CRPPA: variants seen among roughly 807,000 people sequenced by gnomAD.
The protein encoded by CRPPA is D-ribitol-5-phosphate cytidylyltransferase.
CRPPA carries 43 observed loss-of-function variants against 52.0 expected under a neutral mutation model. The ratio of observed to expected loss-of-function variants is 0.83; its 90% CI spans 0.65 to 1.07. CRPPA has a LOEUF of 1.07. Ranked by LOEUF, CRPPA falls within the 50% of genes least tolerant of loss-of-function variation. CRPPA has a pLI of 0.00. For synonymous variants in CRPPA, 250 were observed against 203.5 expected (o/e 1.23, Z -1.94); for missense variants, 629 against 551.7 (o/e 1.14, Z -1.40).
chr7:16,397,622 C>A, intron 2 of CRPPA, among the ~76,000 whole-genome samples: 1 of 152,022 alleles, frequency 6.6e-6, no homozygotes, highest in Non-Finnish European at 1.5e-5. Context: ...GACACGTGAC[C>A]AACACGTGTG....
intron 8 of CRPPA, among the ~76,000 whole-genome samples, chr7:16,223,941 A>G (rs1782584418): frequency 6.6e-6 from 1 of 152,136 alleles, no homozygotes; most frequent in South Asian, 2.1e-4. Flanking sequence ...GTAAAACAGT[A>G]TTTCCCATGC....
intron 9 of CRPPA, among the ~76,000 whole-genome samples, chr7:16,092,466 C>T (rs571556038): frequency 6.6e-6 from 1 of 152,252 alleles, no homozygotes; most frequent in African/African-American, 2.4e-5. Context: ...CCAGAATCAT[C>T]CTTAATGCCT....
chr7:16,276,316 T>C (rs1224818719), intron 6 of CRPPA, among the ~76,000 whole-genome samples: 2 of 152,164 alleles, frequency 1.3e-5, no homozygotes, highest in Admixed American at 6.5e-5. Context: ...GCATCCACTA[T>C]GTACCTAGCA....
intron 2 of CRPPA, among the ~76,000 whole-genome samples, chr7:16,385,940 A>T (rs1265649689): frequency 1.3e-5 from 2 of 152,114 alleles, no homozygotes; most frequent in South Asian, 2.1e-4. Flanking sequence ...GTGGGTACCC[A>T]TGACTCCTAA....
At chr7:16,149,838 T>G (rs992583762) in intron 9 of CRPPA, among the ~76,000 whole-genome samples, 2 of 151,834 alleles carry the variant, frequency 1.3e-5, no homozygotes, top group Non-Finnish European at 2.9e-5. Flanking sequence ...TACAAAATAT[T>G]AGCCGAGCGT....
intron 3 of CRPPA, among the ~76,000 whole-genome samples, chr7:16,356,007 C>T (rs944984819): frequency 1.3e-5 from 2 of 151,588 alleles, no homozygotes; most frequent in African/African-American, 2.4e-5. Context: ...AGTTTGACAA[C>T]TTACATGCCC....
rs541990103 is a variant in CRPPA, at chr7:16,261,056, G to C, written c.934-2044C>G. 3.3e-5 allele frequency among the ~76,000 whole-genome samples: 5 copies of C among 152,120 alleles called. No individual in the cohort carries two copies. The East Asian group carries it at 9.6e-4, about 29-fold the overall frequency. On this transcript the variant is annotated intron_variant, in intron 6 of 9. Transcript: ENST00000407010. ...TATAAATAATTACTCTGAAAGGTAA[G>C]TATCATTCCAACAATTCTCTATGAA...
At chr7:16,137,566 G>A (rs550406658) in intron 9 of CRPPA, among the ~76,000 whole-genome samples, 1 of 152,064 alleles carries the variant, frequency 6.6e-6, no homozygotes, top group African/African-American at 2.4e-5. Context: ...ATTCAAAGGA[G>A]GGTTGAATTT....
intron 3 of CRPPA, among the ~76,000 whole-genome samples, chr7:16,323,599 T>G (rs1031647692): frequency 6.6e-6 from 1 of 152,218 alleles, no homozygotes; most frequent in African/African-American, 2.4e-5. Flanking sequence ...GAACCTCAGC[T>G]AATCCACAGA....
rs895723369 is a variant in CRPPA, at chr7:16,091,654, G to T, written c.*41C>A. On this transcript the variant is annotated 3_prime_UTR_variant, in exon 10 of 10. Transcript: ENST00000407010. Reference sequence around the variant, plus strand: ...GGGGCACAAAGCACAATTAAGATACGCAAATAGATGTTTTAGAAAATAGGT... The same window carrying T: ...GGGGCACAAAGCACAATTAAGATACTCAAATAGATGTTTTAGAAAATAGGT... 1 of 1,118,012 alleles carries T rather than the reference G, an allele frequency of 8.9e-7. No individual in the cohort carries two copies. Among genetic ancestry groups the T allele is most frequent in the Admixed American group, 2.1e-5 (1 of 47,194 alleles). 69.3% of individuals were successfully genotyped at this position (1,118,012 alleles called of 1,614,324 possible). A position where few individuals can be genotyped will look rare whatever the true frequency, so the allele number is the denominator to read the frequency against.
chr7:16,156,031 T>C, intron 9 of CRPPA, among the ~76,000 whole-genome samples: 1 of 150,422 alleles, frequency 6.6e-6, no homozygotes, highest in East Asian at 2.0e-4. Flanking sequence ...ATACATTTCA[T>C]GAGGACTACA....
intron 9 of CRPPA, among the ~76,000 whole-genome samples, chr7:16,117,606 C>T (rs892736951): frequency 2.6e-5 from 4 of 152,196 alleles, no homozygotes; most frequent in African/African-American, 7.2e-5. Flanking sequence ...ATCATCAGAA[C>T]CAGGGAGCAC....
chr7:16,261,288 G>T (rs1783789437), intron 6 of CRPPA, among the ~76,000 whole-genome samples: 1 of 152,060 alleles, frequency 6.6e-6, no homozygotes, highest in Admixed American at 6.5e-5. Flanking sequence ...GCCTTGAGCA[G>T]GATAAAGACA....
chr7:16,306,409 C>T (rs1266957284), intron 4 of CRPPA, among the ~76,000 whole-genome samples: 1 of 152,196 alleles, frequency 6.6e-6, no homozygotes, highest in Non-Finnish European at 1.5e-5. Flanking sequence ...TACCTGAGGA[C>T]TAACACTCTT....
chr7:16,340,001 A>G (rs561453826), intron 3 of CRPPA, among the ~76,000 whole-genome samples: 1 of 152,266 alleles, frequency 6.6e-6, no homozygotes, highest in South Asian at 2.1e-4. Flanking sequence ...CAATATAATA[A>G]AGCAAAGAAA....
chr7:16,097,137 T>C (rs1162381449), intron 9 of CRPPA, among the ~76,000 whole-genome samples: 2 of 152,250 alleles, frequency 1.3e-5, no homozygotes, highest in South Asian at 4.2e-4. Flanking sequence ...AAACCTTTTT[T>C]GCTTGAAAAT....
chr7:16,379,413 T>C (rs535793637), intron 2 of CRPPA, among the ~76,000 whole-genome samples: 1 of 152,206 alleles, frequency 6.6e-6, no homozygotes, highest in African/African-American at 2.4e-5. Context: ...TAGTTTGAAG[T>C]CAGGTAGTGT....
At chr7:16,377,395 A>C (rs1786921292) in intron 2 of CRPPA, among the ~76,000 whole-genome samples, 1 of 152,210 alleles carries the variant, frequency 6.6e-6, no homozygotes, top group Non-Finnish European at 1.5e-5. Context: ...ACACACAAAC[A>C]TGCATGCTGC....
intron 9 of CRPPA, among the ~76,000 whole-genome samples, chr7:16,140,155 T>C (rs192227438): frequency 6.6e-5 from 10 of 152,284 alleles, no homozygotes; most frequent in African/African-American, 2.2e-4. Flanking sequence ...TTTAGTTAAT[T>C]ATTCATTTAG....
Sources: gnomAD v4.1 joint callset for allele counts (sites outside exome capture counted in the v4.1 genomes callset) on GRCh38, gnomAD v4.1.1 for gene constraint, MANE v1.5 for transcripts, NCBI Gene and HGNC (gene_info 2026-07-23, HGNC 2026-07-21) for gene names.